Variants in PRKG1 observed in about 807,000 individuals in gnomAD.
The protein encoded by PRKG1 is protein kinase cGMP-dependent 1, also known as cGMP-dependent protein kinase 1.
A neutral mutation model predicts 88.1 loss-of-function variants in PRKG1; 35 were observed. The ratio of observed to expected loss-of-function variants is 0.40; its 90% confidence interval spans 0.30 to 0.53. PRKG1 has a LOEUF of 0.53. PRKG1 is among the 20% of genes least tolerant of loss of function. The probability of loss-of-function intolerance (pLI) is 0.59; values close to 1 mark genes in which losing one functional copy is unlikely to be tolerated. For synonymous variants in PRKG1, 303 were observed against 292.5 expected, an observed-to-expected ratio of 1.04 and a Z score of -0.37; for missense variants, 540 against 839.8, an observed-to-expected ratio of 0.64 and a Z score of 4.41.
intron 2 of PRKG1, among the ~76,000 whole-genome samples, chr10:51,460,319 C>T (rs293288): frequency 0.35 from 53,496 of 151,960 alleles, 10,485 homozygotes; most frequent in African/African-American, 0.51. Context: ...TTGTAGTACT[C>T]TTGCCATTTT....
chr10:51,110,018 G>A (rs564667907), intron 1 of PRKG1, among the ~76,000 whole-genome samples: 2 of 152,120 alleles, frequency 1.3e-5, no homozygotes, highest in South Asian at 4.1e-4. Flanking sequence ...AAACCATAAT[G>A]TGAATCATTA....
In PRKG1 at chr10:51,819,006, CAAAAAAAAAAAAAAAAAAAAA is replaced by C. The variant is rs869048560; in HGVS notation, c.698+14333_698+14353del. Among the ~76,000 whole-genome samples, 6 of 18,346 alleles carry C rather than the reference CAAAAAAAAAAAAAAAAAAAAA, an allele frequency of 3.3e-4. 2 individuals are homozygous for C. The highest frequency in any genetic ancestry group is 4.6e-4 in the Non-Finnish European group (6 of 13,012). The allele number at this position is 18,346 out of a possible 152,430, so 12.0% of individuals were successfully genotyped here. A position where few individuals can be genotyped will look rare whatever the true frequency, so the allele number is the denominator to read the frequency against. On this transcript the variant is annotated intron_variant, in intron 4 of 17. Transcript: ENST00000373980. Reference sequence around the variant, plus strand: ...TGGGCGACAGAGCGAGACTCCGTCTCAAAAAAAAAAAAAAAAAAAAAAAAAAAAAAAAAAAAAGAATACCAG... The same window carrying C: ...TGGGCGACAGAGCGAGACTCCGTCTCAAAAAAAAAAAAAAAAGAATACCAG...
Position 52,295,368 on chromosome 10 carries a change from A to C in PRKG1, c.*1468A>C, listed in dbSNP as rs545562051. The C allele has an allele frequency of 2.0e-5, 3 of 152,170 alleles. No homozygotes were observed. The highest frequency in any genetic ancestry group is 7.2e-5 in the African/African-American group (3 of 41,564). The allele number at this position is 152,170 out of a possible 1,614,324, so 9.4% of individuals were successfully genotyped here. On this transcript the variant is annotated 3_prime_UTR_variant, in exon 18 of 18. Coordinates refer to ENST00000373980, the MANE Select transcript of PRKG1 (RefSeq NM_006258.4). ...ATTTTAAATAAAATAGAATTACTAC[A>C]ATTCTGCAATTTCATACTACCTAAA... is the stretch of plus-strand genomic sequence containing the variant.
At chr10:51,904,591 GT>G (rs1206876777) in intron 4 of PRKG1, among the ~76,000 whole-genome samples, 1 of 152,038 alleles carries the variant, frequency 6.6e-6, no homozygotes, top group Non-Finnish European at 1.5e-5. Flanking sequence ...CTAGAAAAGT[GT>G]TTTCACAGTA....
At position 51,036,689 on chromosome 10, in the gene PRKG1, TG is replaced by T. The variant is rs373975463; in HGVS notation, c.266+45050del. ...TTTACCTCTTAGGGGATTAAGTAAA[TG>T]GGGGCGTGTTTGCTCCTATTTGGGA... On this transcript the variant is annotated intron_variant, in intron 1 of 17. Transcript: ENST00000401604. 3.3e-3 allele frequency among the ~76,000 whole-genome samples: 509 copies of T among 152,236 alleles called. 3 individuals are homozygous for T. The highest frequency in any genetic ancestry group is 0.011 in the African/African-American group (450 of 41,550).
intron 2 of PRKG1, among the ~76,000 whole-genome samples, chr10:51,325,311 A>ACT (rs1841561154): frequency 1.3e-5 from 2 of 152,070 alleles, no homozygotes; most frequent in Admixed American, 6.6e-5. Context: ...CCCAGGCTGG[A>ACT]GTACAATGGT....
intron 7 of PRKG1, among the ~76,000 whole-genome samples, chr10:52,094,085 G>C (rs1180085869): frequency 6.6e-6 from 1 of 152,000 alleles, no homozygotes; most frequent in Non-Finnish European, 1.5e-5. Flanking sequence ...TACAAACTGG[G>C]GAAAATGTTT....
intron 1 of PRKG1, among the ~76,000 whole-genome samples, chr10:51,124,376 T>C (rs1487038859): frequency 6.6e-6 from 1 of 151,810 alleles, no homozygotes; most frequent in African/African-American, 2.4e-5. Flanking sequence ...TGTGTGGGGG[T>C]GTGGAGTGGG....
At chr10:51,952,319 C>T (rs566349975) in intron 5 of PRKG1, among the ~76,000 whole-genome samples, 12 of 152,268 alleles carry the variant, frequency 7.9e-5, no homozygotes, top group African/African-American at 2.6e-4. Flanking sequence ...TCCAAATGTG[C>T]ATTTTCATCA....
At chr10:51,189,449 A>G (rs1003545558) in intron 2 of PRKG1, among the ~76,000 whole-genome samples, 2 of 151,888 alleles carry the variant, frequency 1.3e-5, no homozygotes, top group Non-Finnish European at 2.9e-5. Flanking sequence ...ATGGTACTAC[A>G]AAATTCCTAT....
chr10:51,177,901 A>G (rs550443760), intron 2 of PRKG1, among the ~76,000 whole-genome samples: 1 of 152,060 alleles, frequency 6.6e-6, no homozygotes, highest in African/African-American at 2.4e-5. Flanking sequence ...ATACATATAT[A>G]CTATAACCAT....
At chr10:51,986,963 G>A (rs1480728595) in intron 5 of PRKG1, among the ~76,000 whole-genome samples, 2 of 151,934 alleles carry the variant, frequency 1.3e-5, no homozygotes, top group Non-Finnish European at 1.5e-5. Context: ...TCTTTTATTA[G>A]GCTGATTACT....
At chr10:51,698,231 G>A in intron 3 of PRKG1, 2 of 1,613,992 alleles carry the variant, frequency 1.2e-6, no homozygotes, top group African/African-American at 1.3e-5. Flanking sequence ...CATCGCACAG[G>A]TCTCCATTCC....
chr10:51,205,127 C>CTTTTTTTTTTTTTTTTTTTTTTTT (rs58176913), intron 2 of PRKG1, among the ~76,000 whole-genome samples: 33 of 64,024 alleles, frequency 5.2e-4, no homozygotes, highest in Non-Finnish European at 6.3e-4. Context: ...ATTTTCTTTT[C>CTTTTTTTTTTTTTTTTTTTTTTTT]TTTTTTTTTT....
At chr10:52,276,157 C>G (rs920712202) in intron 12 of PRKG1, among the ~76,000 whole-genome samples, 3 of 152,042 alleles carry the variant, frequency 2.0e-5, no homozygotes, top group African/African-American at 7.2e-5. Flanking sequence ...TCCCCTTTAC[C>G]GATTTGGATG....
intron 3 of PRKG1, among the ~76,000 whole-genome samples, chr10:51,652,655 G>A (rs1347858934): frequency 6.6e-6 from 1 of 152,054 alleles, no homozygotes; most frequent in East Asian, 1.9e-4. Context: ...AGGATACAAA[G>A]TAATGTTTTG....
intron 3 of PRKG1, among the ~76,000 whole-genome samples, chr10:51,682,620 C>T (rs1414831427): frequency 6.6e-6 from 1 of 152,174 alleles, no homozygotes; most frequent in Non-Finnish European, 1.5e-5. Context: ...GCACATATCA[C>T]ATATCAAGAA....
At chr10:51,082,883 A>G (rs1844149043) in intron 1 of PRKG1, among the ~76,000 whole-genome samples, 1 of 152,152 alleles carries the variant, frequency 6.6e-6, no homozygotes, top group Admixed American at 6.5e-5. Flanking sequence ...TAAAACATAC[A>G]TTTGCTGGGC....
At chr10:52,000,913 C>T (rs1476788615) in intron 5 of PRKG1, among the ~76,000 whole-genome samples, 1 of 151,934 alleles carries the variant, frequency 6.6e-6, no homozygotes, top group Non-Finnish European at 1.5e-5. Flanking sequence ...AAAGCCATCA[C>T]AAGAATCTGA....
Sources: allele counts gnomAD v4.1 joint callset (sites outside exome capture counted in the v4.1 genomes callset), GRCh38; gene constraint gnomAD v4.1.1; transcripts MANE v1.5; gene names NCBI Gene and HGNC (gene_info 2026-07-23, HGNC 2026-07-21).